DLGAP2: variants seen among roughly 807,000 people sequenced by gnomAD.
The protein encoded by DLGAP2 is DLG associated protein 2, also known as disks large-associated protein 2.
A neutral mutation model predicts 100.3 loss-of-function variants in DLGAP2; 26 were observed. The observed-to-expected ratio is 0.26, with a 90% confidence interval of 0.19 to 0.36. The LOEUF (loss-of-function observed/expected upper bound fraction) is 0.36. Ranked by LOEUF, DLGAP2 falls within the 10% of genes least tolerant of loss-of-function variation. DLGAP2 has a pLI of 1.00. For synonymous variants in DLGAP2, 886 were observed against 630.1 expected, an observed-to-expected ratio of 1.41 and a Z score of -6.08; for missense variants, 1,858 against 1,453.2, an observed-to-expected ratio of 1.28 and a Z score of -4.53.
At chr8:1,539,431 C>T (rs1223606529) in intron 4 of DLGAP2, among the ~76,000 whole-genome samples, 4 of 152,268 alleles carry the variant, frequency 2.6e-5, no homozygotes, top group African/African-American at 7.2e-5. Flanking sequence ...CTATGATGGA[C>T]GGCTCTAATC....
At chr8:1,168,579 G>T (rs1376729510) in intron 2 of DLGAP2, among the ~76,000 whole-genome samples, 2 of 148,938 alleles carry the variant, frequency 1.3e-5, no homozygotes, top group Non-Finnish European at 3.0e-5. Context: ...CATTCTAACA[G>T]GTGTGAGATG....
chr8:1,024,043 A>G (rs904136200), intron 2 of DLGAP2, among the ~76,000 whole-genome samples: 5 of 151,848 alleles, frequency 3.3e-5, no homozygotes, highest in African/African-American at 9.7e-5. Context: ...TCCAGGTGCC[A>G]TGTGCGGTGT....
At chr8:1,474,437 T>G (rs1468307958) in intron 3 of DLGAP2, among the ~76,000 whole-genome samples, 1 of 152,196 alleles carries the variant, frequency 6.6e-6, no homozygotes, top group Non-Finnish European at 1.5e-5. Flanking sequence ...TACTCTTAGT[T>G]CTTCAAGGAA....
chr8:1,590,027 G>A (rs958995304), intron 6 of DLGAP2, among the ~76,000 whole-genome samples: 3 of 152,176 alleles, frequency 2.0e-5, no homozygotes, highest in African/African-American at 7.2e-5. Context: ...CTCGCTCCCT[G>A]CACGTCTCTA....
Position 1,100,467 on chromosome 8 carries a change from T to C in DLGAP2, c.74-158384T>C, listed in dbSNP as rs150093329. Among the ~76,000 whole-genome samples the C allele has an allele frequency of 2.4e-3, 361 of 152,290 alleles. 1 individual carries two copies. The highest frequency in any genetic ancestry group is 8.1e-3 in the African/African-American group (338 of 41,566). ...AAACCTTTGTCCAGCATGTCCACAG[T>C]GTACAATGTGTGTAGGGAAAAACAT... On this transcript the variant is annotated intron_variant, in intron 2 of 14. Transcript: ENST00000637795.
At chr8:1,269,330 G>A (rs947807769) in intron 3 of DLGAP2, among the ~76,000 whole-genome samples, 1 of 152,192 alleles carries the variant, frequency 6.6e-6, no homozygotes, top group Non-Finnish European at 1.5e-5. Flanking sequence ...CCTGGTACGG[G>A]GAGGATGGGA....
At chr8:960,252 T>TTTTTTTTTTTTTTTTTTTTTTTCC (rs369284313) in intron 2 of DLGAP2, among the ~76,000 whole-genome samples, 1 of 141,928 alleles carries the variant, frequency 7.0e-6, no homozygotes, top group African/African-American at 2.8e-5. Context: ...TTTTTTTTTT[T>TTTTTTTTTTTTTTTTTTTTTTTCC]CCCGAGACAC....
chr8:1,532,323 A>G (rs1801013388), intron 4 of DLGAP2, among the ~76,000 whole-genome samples: 1 of 152,152 alleles, frequency 6.6e-6, no homozygotes, highest in Non-Finnish European at 1.5e-5. Context: ...CTTGCTTCAT[A>G]TCTAAATGCT....
chr8:779,467 CT>C (rs35954348), intron 1 of DLGAP2, among the ~76,000 whole-genome samples: 5,532 of 142,056 alleles, frequency 0.039, 138 homozygotes, highest in Non-Finnish European at 0.06. Flanking sequence ...TTCTTTCTTT[CT>C]TTTTTTTTTT....
intron 3 of DLGAP2, among the ~76,000 whole-genome samples, chr8:1,408,362 C>G (rs893602468): frequency 6.6e-6 from 1 of 152,212 alleles, no homozygotes; most frequent in African/African-American, 2.4e-5. Flanking sequence ...GTGTTCTCAT[C>G]AGGGGAGAAA....
At chr8:1,600,287 C>T (rs532575837) in intron 6 of DLGAP2, among the ~76,000 whole-genome samples, 5 of 152,142 alleles carry the variant, frequency 3.3e-5, no homozygotes, top group African/African-American at 1.2e-4. Flanking sequence ...TGACCTTTCT[C>T]TCTGGCTGCC....
intron 8 of DLGAP2, among the ~76,000 whole-genome samples, chr8:1,656,042 G>A (rs1010832742): frequency 6.6e-6 from 1 of 152,216 alleles, no homozygotes; most frequent in Non-Finnish European, 1.5e-5. Flanking sequence ...GAATATTGGA[G>A]GCCAGGTGTG....
chr8:1,039,930 G>A (rs1802272898), intron 2 of DLGAP2, among the ~76,000 whole-genome samples: 1 of 144,056 alleles, frequency 6.9e-6, no homozygotes, highest in East Asian at 2.1e-4. Context: ...AGCTCGGTGT[G>A]CATGGTCGGC....
chr8:940,840 G>C (rs1799179991), intron 2 of DLGAP2, among the ~76,000 whole-genome samples: 1 of 152,126 alleles, frequency 6.6e-6, no homozygotes, highest in Admixed American at 6.5e-5. Context: ...ACCTCACTGA[G>C]GTCTCTGCTC....
chr8:970,786 G>A (rs77223589), intron 2 of DLGAP2, among the ~76,000 whole-genome samples: 1 of 152,158 alleles, frequency 6.6e-6, no homozygotes, highest in Non-Finnish European at 1.5e-5. Flanking sequence ...AAAGCTTCTA[G>A]TATATTCTAT....
chr8:1,590,000 C>G (rs1796243037), intron 6 of DLGAP2, among the ~76,000 whole-genome samples: 1 of 152,088 alleles, frequency 6.6e-6, no homozygotes. Flanking sequence ...AGTCTGAAAT[C>G]AAGGTGTGGG....
chr8:1,067,351 G>A lies in DLGAP2; in HGVS notation c.73+159385G>A, dbSNP rs996170964. Among the ~76,000 whole-genome samples the A allele has an allele frequency of 3.3e-5, 5 of 152,274 alleles. No homozygotes were observed. The East Asian group carries it at 5.8e-4, about 18-fold the overall frequency. On this transcript the variant is annotated intron_variant, in intron 2 of 14. Transcript: ENST00000637795. ...GGTTTTCTGACCTGTTGGTGTTCCC[G>A]CTGTGGTGCCTACCCAGCAGGGGCC... is the stretch of plus-strand genomic sequence containing the variant.
At chr8:1,596,404 G>C (rs1004543523) in intron 6 of DLGAP2, among the ~76,000 whole-genome samples, 2 of 152,140 alleles carry the variant, frequency 1.3e-5, no homozygotes, top group Non-Finnish European at 1.5e-5. Flanking sequence ...GGGATTGCTG[G>C]GTCAAATTGT....
intron 1 of DLGAP2, among the ~76,000 whole-genome samples, chr8:818,062 C>G (rs971770260): frequency 6.6e-6 from 1 of 152,004 alleles, no homozygotes; most frequent in African/African-American, 2.4e-5. Flanking sequence ...ATAGAGCTCC[C>G]AAGATATTAT....
Sources: allele counts gnomAD v4.1 joint callset (sites outside exome capture counted in the v4.1 genomes callset), GRCh38; gene constraint gnomAD v4.1.1; transcripts MANE v1.5; gene names NCBI Gene and HGNC (gene_info 2026-07-23, HGNC 2026-07-21).